CDH8: variants seen among roughly 807,000 people sequenced by gnomAD.
CDH8 encodes the protein cadherin 8.
Under a neutral mutation model 68.1 loss-of-function variants are expected in CDH8, and 17 were observed. The ratio of observed to expected loss-of-function variants is 0.25; its 90% CI spans 0.17 to 0.37. The LOEUF is 0.37. Among genes scored for constraint, CDH8 ranks in the 10% least tolerant of loss-of-function variants. CDH8 has a pLI of 1.00. For synonymous variants in CDH8, 372 were observed against 365.1 expected (o/e 1.02, Z -0.21); for missense variants, 763 against 999.3 (o/e 0.76, Z 3.19).
chr16:61,988,838 T>C (rs1425097472), intron 2 of CDH8, among the ~76,000 whole-genome samples: 1 of 152,192 alleles, frequency 6.6e-6, no homozygotes, highest in Non-Finnish European at 1.5e-5. Context: ...TGAAATGTTA[T>C]CCAGGAAATC....
intron 2 of CDH8, among the ~76,000 whole-genome samples, chr16:61,980,459 A>T (rs1385640521): frequency 5.3e-5 from 8 of 152,190 alleles, no homozygotes. Flanking sequence ...ATATCATCAT[A>T]GTATCATCAT....
At chr16:61,860,237 C>T (rs1281747215) in intron 3 of CDH8, among the ~76,000 whole-genome samples, 8 of 152,060 alleles carry the variant, frequency 5.3e-5, no homozygotes, top group African/African-American at 7.2e-5. Flanking sequence ...GATGACAGTA[C>T]GAAGGGCTTC....
At chr16:62,009,335 T>C (rs1473684836) in intron 2 of CDH8, among the ~76,000 whole-genome samples, 1 of 152,098 alleles carries the variant, frequency 6.6e-6, no homozygotes, top group African/African-American at 2.4e-5. Flanking sequence ...ACATATCTAT[T>C]TGGAAAAAGA....
At chr16:61,664,007 C>T (rs1963619957) in intron 10 of CDH8, among the ~76,000 whole-genome samples, 1 of 151,952 alleles carries the variant, frequency 6.6e-6, no homozygotes, top group East Asian at 1.9e-4. Flanking sequence ...CTGTCTTGTT[C>T]TCCAGCTTCA....
intron 2 of CDH8, among the ~76,000 whole-genome samples, chr16:61,952,526 G>T (rs1433390645): frequency 6.6e-6 from 1 of 152,292 alleles, no homozygotes; most frequent in African/African-American, 2.4e-5. Context: ...TAGCAGGCTG[G>T]TTGCTGAAAT....
intron 2 of CDH8, among the ~76,000 whole-genome samples, chr16:61,932,349 G>A (rs568231281): frequency 3.3e-5 from 5 of 152,084 alleles, no homozygotes; most frequent in Non-Finnish European, 7.4e-5. Context: ...AAACAAAAAT[G>A]TAATTCAAAG....
intron 7 of CDH8, among the ~76,000 whole-genome samples, chr16:61,797,865 G>A (rs1312608607): frequency 2.6e-5 from 4 of 152,004 alleles, no homozygotes; most frequent in African/African-American, 7.2e-5. Context: ...ATTATTTAGG[G>A]TAAATATAGA....
intron 8 of CDH8, among the ~76,000 whole-genome samples, chr16:61,741,676 G>A (rs1243526773): frequency 6.6e-6 from 1 of 151,854 alleles, no homozygotes; most frequent in Non-Finnish European, 1.5e-5. Flanking sequence ...TTTCTCTGCA[G>A]GCCTATTTCT....
chr16:61,872,787 T>C (rs1029848538), intron 3 of CDH8, among the ~76,000 whole-genome samples: 2 of 152,138 alleles, frequency 1.3e-5, no homozygotes, highest in Admixed American at 6.5e-5. Context: ...TAGAATTTTA[T>C]TTTTGGTTTT....
At chr16:61,683,531 T>C (rs1443048240) in intron 10 of CDH8, among the ~76,000 whole-genome samples, 1 of 152,008 alleles carries the variant, frequency 6.6e-6, no homozygotes, top group Non-Finnish European at 1.5e-5. Context: ...CAATTAAGGA[T>C]TGTCTGACAA....
chr16:61,681,204 C>T (rs1221889829), intron 10 of CDH8, among the ~76,000 whole-genome samples: 1 of 151,814 alleles, frequency 6.6e-6, no homozygotes, highest in Admixed American at 6.6e-5. Context: ...AAAATATGTC[C>T]ACATAAACAC....
chr16:61,664,617 T>C (rs760870270), intron 10 of CDH8, among the ~76,000 whole-genome samples: 2 of 151,914 alleles, frequency 1.3e-5, no homozygotes, highest in Non-Finnish European at 1.5e-5. Context: ...ATATTGATGG[T>C]TTCCAAGCCT....
At chr16:61,964,747 CTAACT>C (rs1227566360) in intron 2 of CDH8, among the ~76,000 whole-genome samples, 1 of 152,140 alleles carries the variant, frequency 6.6e-6, no homozygotes, top group Non-Finnish European at 1.5e-5. Context: ...ATTCTCTCTC[CTAACT>C]TAAGTGTTGG....
At chr16:61,746,604 T>C (rs957530257) in intron 8 of CDH8, among the ~76,000 whole-genome samples, 2 of 144,262 alleles carry the variant, frequency 1.4e-5, no homozygotes, top group Non-Finnish European at 1.5e-5. Context: ...CATTATGATG[T>C]AATATGTTCA....
intron 8 of CDH8, among the ~76,000 whole-genome samples, chr16:61,758,073 C>T (rs142435002): frequency 2.6e-5 from 4 of 152,100 alleles, no homozygotes; most frequent in Admixed American, 2.0e-4. Flanking sequence ...ACTTAATGGT[C>T]CTCAGGGATA....
At chr16:61,764,826 A>T (rs879525099) in intron 8 of CDH8, among the ~76,000 whole-genome samples, 1 of 152,104 alleles carries the variant, frequency 6.6e-6, no homozygotes, top group South Asian at 2.1e-4. Flanking sequence ...TTGGAGAATT[A>T]ATGAGCTAAC....
At chr16:61,935,669 T>C (rs1964616351) in intron 2 of CDH8, among the ~76,000 whole-genome samples, 1 of 152,166 alleles carries the variant, frequency 6.6e-6, no homozygotes. Flanking sequence ...TGCTTATTAT[T>C]TTTGGAGCAT....
At chr16:61,932,037 C>G (rs1174600594) in intron 2 of CDH8, among the ~76,000 whole-genome samples, 1 of 151,996 alleles carries the variant, frequency 6.6e-6, no homozygotes, top group Admixed American at 6.6e-5. Context: ...GAAACCCTGT[C>G]TGTACTAAAA....
At chr16:61,738,474 C>G (rs1435084083) in intron 8 of CDH8, among the ~76,000 whole-genome samples, 1 of 152,080 alleles carries the variant, frequency 6.6e-6, no homozygotes, top group Non-Finnish European at 1.5e-5. Flanking sequence ...GGCACATTTA[C>G]GGTTGTAAAA....
Sources: gnomAD v4.1 joint callset for allele counts (sites outside exome capture counted in the v4.1 genomes callset) on GRCh38, gnomAD v4.1.1 for gene constraint, MANE v1.5 for transcripts, NCBI Gene and HGNC (gene_info 2026-07-23, HGNC 2026-07-21) for gene names.